Variants in TULP1 observed in about 807,000 individuals in gnomAD.
TULP1 encodes TUB like protein 1.
Under a neutral mutation model 67.1 loss-of-function variants are expected in TULP1, and 50 were observed. The observed-to-expected ratio is 0.75, with a 90% CI of 0.59 to 0.94. TULP1 has a LOEUF of 0.94. Ranked by LOEUF, TULP1 falls within the 40% of genes least tolerant of loss-of-function variation. The pLI is 0.00. For synonymous variants in TULP1, 297 were observed against 294.0 expected, an observed-to-expected ratio of 1.01 and a Z score of -0.11; for missense variants, 746 against 734.1, an observed-to-expected ratio of 1.02 and a Z score of -0.19.
In TULP1 at chr6:35,503,552, G is replaced by A; in HGVS notation, c.1323+7C>T. The stretch of plus-strand genomic sequence containing the variant: ...GGAGCCAGGGGCCAGGGAGGTGCGG[G>A]GCTCACATTTCGGGGCCGGATGGGG... On this transcript the variant is annotated splice_region_variant and intron_variant, in intron 13 of 14. Coordinates refer to ENST00000229771, the MANE Select transcript of TULP1 (RefSeq NM_003322.6). This position sits in a 1 kb window ranked among gnomAD's most constrained non-coding sequence, Gnocchi z 4.0. 1 of 1,561,712 alleles carries A rather than the reference G, an allele frequency of 6.4e-7. No homozygotes were observed. The highest frequency in any genetic ancestry group is 8.7e-7 in the Non-Finnish European group (1 of 1,152,928).
intron 4 of TULP1, among the ~76,000 whole-genome samples, 183 bp downstream of exon 4, chr6:35,511,465 G>T (rs1273353353): frequency 1.3e-5 from 2 of 152,062 alleles, no homozygotes; most frequent in Non-Finnish European, 2.9e-5. Context: ...GTGGAGGGGG[G>T]GAACAAAGCA....
Position 35,500,264 on chromosome 6 carries a change from A to G in TULP1, c.1324-112T>C. The G allele has an allele frequency of 6.9e-6, 8 of 1,153,860 alleles. No homozygotes were observed. In the South Asian group the frequency reaches 8.6e-5, roughly 12 times the overall value. The allele number at this position is 1,153,860 out of a possible 1,614,324, so 71.5% of individuals were successfully genotyped here. A position where few individuals can be genotyped will look rare whatever the true frequency, so the allele number is the denominator to read the frequency against. ...ATGTGTGCACAGGGGTGTGGCCTGG[A>G]CATCTTCATCCATTAGGGTATCTGA... On this transcript the variant is annotated intron_variant, in intron 13 of 14. Coordinates refer to ENST00000229771, the MANE Select transcript of TULP1 (RefSeq NM_003322.6).
intron 8 of TULP1, among the ~76,000 whole-genome samples, chr6:35,507,203 C>CAAAAAAAAAAAAAAAAAAA (rs869194937): frequency 1.4e-5 from 1 of 72,000 alleles, no homozygotes. Context: ...AACACTCAAG[C>CAAAAAAAAAAAAAAAAAAA]AAAAAAAAAA....
rs756961618 is a variant in TULP1, at chr6:35,498,885, G to C, written c.1496-425C>G. Reference sequence around the variant, plus strand: ...GACTAGCCCCTGGTTCCCTTCCTCAGCCTCACTGGGCACCTCTCCCTTCAA... The same window carrying C: ...GACTAGCCCCTGGTTCCCTTCCTCACCCTCACTGGGCACCTCTCCCTTCAA... On this transcript the variant is annotated intron_variant, in intron 14 of 14. Transcript: ENST00000229771. The surrounding 1 kb of genome is among the most constrained non-coding windows in gnomAD (Gnocchi z 6.7). 1.3e-5 allele frequency among the ~76,000 whole-genome samples: 2 copies of C among 152,014 alleles called. No homozygotes were observed. Among genetic ancestry groups the C allele is most frequent in the South Asian group, 4.1e-4 (2 of 4,820 alleles).
chr6:35,499,280 A>G (rs1768777546), intron 14 of TULP1, among the ~76,000 whole-genome samples: 1 of 152,252 alleles, frequency 6.6e-6, no homozygotes, highest in Admixed American at 6.5e-5. Flanking sequence ...GTAGGCACTC[A>G]AAAATGCTTA....
intron 11 of TULP1, chr6:35,504,097 C>A: frequency 2.2e-6 from 1 of 460,626 alleles, no homozygotes; most frequent in Non-Finnish European, 4.0e-6. Flanking sequence ...GGGAGGATCG[C>A]TTGAGTCCAG....
At chr6:35,509,470 C>T (rs138480073) in intron 7 of TULP1, among the ~76,000 whole-genome samples, 158 bp from the exon 8 acceptor site, 26 of 152,206 alleles carry the variant, frequency 1.7e-4, no homozygotes, top group African/African-American at 4.1e-4. Context: ...TGCCTGAGAC[C>T]GCATAGCTAT....
chr6:35,501,059 G>T (rs1040838410), intron 13 of TULP1, among the ~76,000 whole-genome samples: 1 of 152,228 alleles, frequency 6.6e-6, no homozygotes, highest in East Asian at 1.9e-4. Flanking sequence ...CTCCTGTGAG[G>T]ATGGGGCATG....
rs185636479 is a variant in TULP1 at position 35,510,849 on chromosome 6, C to G, written c.499+12G>C. 3,505 of 1,613,714 alleles carry G rather than the reference C, an allele frequency of 2.2e-3. 15 individuals are homozygous for G. Among genetic ancestry groups the G allele is most frequent in the Middle Eastern group, 8.9e-3 (54 of 6,062 alleles). ...CTTCCCTGTGAGCTCTCTCAGCACC[C>G]TCAGCACCCACCCCTTGGGCCCTGG... On this transcript the variant is annotated intron_variant, in intron 5 of 14. Transcript: ENST00000229771.
At position 35,503,954 on chromosome 6, in the gene TULP1, G is replaced by C; in HGVS notation, c.1113-106C>G. ...TTTAGAGAGCTTCCTACAAGGGTGG[G>C]GGTGAGTTAGGACTGAGCAATTCAT... On this transcript the variant is annotated intron_variant, in intron 11 of 14. Transcript: ENST00000229771. The surrounding 1 kb of genome is among the most constrained non-coding windows in gnomAD (Gnocchi z 4.0). 1.2e-6 allele frequency: 1 copy of C among 832,602 alleles called. No homozygotes were observed. Among genetic ancestry groups the C allele is most frequent in the Non-Finnish European group, 1.9e-6 (1 of 513,648 alleles). The allele number at this position is 832,602 out of a possible 1,614,324, so 51.6% of individuals were successfully genotyped here. A position where few individuals can be genotyped will look rare whatever the true frequency, so the allele number is the denominator to read the frequency against.
At chr6:35,511,870 C>T (rs1292220123) in intron 3 of TULP1, 64 bp from the exon 4 acceptor site, 4 of 1,466,068 alleles carry the variant, frequency 2.7e-6, no homozygotes, top group Non-Finnish European at 3.6e-6. Flanking sequence ...GCGCCTCTAC[C>T]CGCTACCCCC....
intron 8 of TULP1, among the ~76,000 whole-genome samples, chr6:35,507,507 T>C (rs551616109): frequency 6.6e-6 from 1 of 152,348 alleles, no homozygotes; most frequent in East Asian, 1.9e-4. Flanking sequence ...TAGCAATGCA[T>C]AGTTAACACA....
chr6:35,509,524 C>A (rs908518195), intron 7 of TULP1, 110 bp downstream of exon 7: 66 of 1,222,386 alleles, frequency 5.4e-5, no homozygotes, highest in Non-Finnish European at 7.0e-5. Flanking sequence ...TGACTCTAGA[C>A]CTGGCAAACT....
At chr6:35,508,963 G>A (rs1245535809) in intron 8 of TULP1, among the ~76,000 whole-genome samples, 1 of 152,142 alleles carries the variant, frequency 6.6e-6, no homozygotes, top group Non-Finnish European at 1.5e-5. Context: ...TGCTCCAGAG[G>A]GGAGGCCTCA....
Position 35,503,916 on chromosome 6 carries a change from C to T in TULP1, c.1113-68G>A, listed in dbSNP as rs1287078537. The T allele has an allele frequency of 8.1e-7, 1 of 1,238,468 alleles. No homozygotes were observed. Among genetic ancestry groups the T allele is most frequent in the East Asian group, 2.5e-5 (1 of 39,704 alleles). The allele number at this position is 1,238,468 out of a possible 1,614,324, so 76.7% of individuals were successfully genotyped here. On this transcript the variant is annotated intron_variant, in intron 11 of 14. Transcript: ENST00000229771. The surrounding 1 kb of genome is among the most constrained non-coding windows in gnomAD (Gnocchi z 4.0). Reference sequence around the variant, plus strand: ...ACATCCCTGCCCCAGGCCCCTTCCACACAGCCAAGCAGTTTAGAGAGCTTC... The same window carrying T: ...ACATCCCTGCCCCAGGCCCCTTCCATACAGCCAAGCAGTTTAGAGAGCTTC...
chr6:35,506,650 G>A (rs1266385301), intron 8 of TULP1, among the ~76,000 whole-genome samples: 1 of 152,136 alleles, frequency 6.6e-6, no homozygotes, highest in Non-Finnish European at 1.5e-5. Context: ...AAGTACTTTC[G>A]AAATATTTAC....
At chr6:35,499,092 C>T (rs747141659) in intron 14 of TULP1, among the ~76,000 whole-genome samples, 5 of 152,190 alleles carry the variant, frequency 3.3e-5, no homozygotes, top group Non-Finnish European at 7.3e-5. Flanking sequence ...AGTTGGGGCT[C>T]GCTCAATGTT....
chr6:35,509,485 G>A, intron 7 of TULP1, 149 bp downstream of exon 7: 1 of 1,036,888 alleles, frequency 9.6e-7, no homozygotes, highest in Non-Finnish European at 1.5e-6. Flanking sequence ...AGCTATCAAA[G>A]CGGGGGTCAA....
In TULP1 at chr6:35,505,592, T is replaced by C. The variant is rs755433286; in HGVS notation, c.1112+149A>G. On this transcript the variant is annotated intron_variant, in intron 11 of 14. Coordinates refer to ENST00000229771, the MANE Select transcript of TULP1 (RefSeq NM_003322.6). ...TTTAACAAGCTCCCCACATGATCTATGTACATCAAAGCGAGAGGCCCTAGG... is the reference window on the plus strand; with the variant it reads ...TTTAACAAGCTCCCCACATGATCTACGTACATCAAAGCGAGAGGCCCTAGG... 1.3e-5 allele frequency: 20 copies of C among 1,533,820 alleles called. No individual in the cohort carries two copies. The African/African-American group carries it at 2.3e-4, about 18-fold the overall frequency.
Sources: allele counts gnomAD v4.1 joint callset (sites outside exome capture counted in the v4.1 genomes callset), GRCh38; gene constraint gnomAD v4.1.1; non-coding constraint Gnocchi (gnomAD v3.1); transcripts MANE v1.5; gene names NCBI Gene and HGNC (gene_info 2026-07-23, HGNC 2026-07-21).